The following AUTS2 variants were observed in gnomAD, a reference collection of about 807,000 sequenced individuals.
The protein encoded by AUTS2 is activator of transcription and developmental regulator AUTS2.
AUTS2 carries 17 observed loss-of-function variants against 112.4 expected under a neutral mutation model. The ratio of observed to expected loss-of-function variants is 0.15; its 90% CI spans 0.10 to 0.23. AUTS2 has a LOEUF of 0.23. Among genes scored for constraint, AUTS2 ranks in the 10% least tolerant of loss-of-function variants. The pLI is 1.00. For synonymous variants in AUTS2, 751 were observed against 702.7 expected (o/e 1.07, Z -1.09); for missense variants, 1,510 against 1,701.6 (o/e 0.89, Z 1.98).
intron 4 of AUTS2, among the ~76,000 whole-genome samples, chr7:70,296,450 G>A (rs1339005240): frequency 6.6e-6 from 1 of 152,142 alleles, no homozygotes; most frequent in Non-Finnish European, 1.5e-5. Context: ...CTCTTTTTAT[G>A]TATTTCCTTT....
intron 6 of AUTS2, 136 bp downstream of exon 6, chr7:70,698,756 T>G (rs1809280151): frequency 4.3e-6 from 3 of 698,268 alleles, no homozygotes; most frequent in East Asian, 2.7e-5. Context: ...ATGTTTTTGC[T>G]TGAGATGGAA....
intron 4 of AUTS2, among the ~76,000 whole-genome samples, chr7:70,153,921 G>A (rs1255963978): frequency 6.6e-6 from 1 of 152,144 alleles, no homozygotes; most frequent in Admixed American, 6.5e-5. Context: ...TGGCTTTTAT[G>A]TCAGAGCTCA....
intron 1 of AUTS2, among the ~76,000 whole-genome samples, chr7:69,711,054 G>A (rs978380919): frequency 6.6e-6 from 1 of 152,108 alleles, no homozygotes; most frequent in African/African-American, 2.4e-5. Context: ...ACACCAGAAC[G>A]GTATGGTGGC....
At chr7:69,928,384 C>T (rs1796104314) in intron 2 of AUTS2, among the ~76,000 whole-genome samples, 1 of 152,206 alleles carries the variant, frequency 6.6e-6, no homozygotes, top group Non-Finnish European at 1.5e-5. Flanking sequence ...TCACTGCGGA[C>T]CCACCCTTTC....
chr7:70,780,093 T>C (rs918177691), intron 14 of AUTS2, among the ~76,000 whole-genome samples: 9 of 149,956 alleles, frequency 6.0e-5, no homozygotes, highest in African/African-American at 2.2e-4. Context: ...AGGAGACTGA[T>C]GGGGAAGAGG....
intron 2 of AUTS2, among the ~76,000 whole-genome samples, chr7:70,108,984 A>G (rs1804927294): frequency 6.6e-6 from 1 of 152,046 alleles, no homozygotes; most frequent in Admixed American, 6.6e-5. Flanking sequence ...GGGTCTTGCT[A>G]GGATGACAAG....
intron 2 of AUTS2, among the ~76,000 whole-genome samples, chr7:70,029,358 A>T (rs1054228830): frequency 3.4e-5 from 5 of 149,104 alleles, no homozygotes; most frequent in Non-Finnish European, 7.4e-5. Context: ...AAGGGTACCT[A>T]TCACAGTCTG....
chr7:70,277,613 G>A (rs985170213), intron 4 of AUTS2, among the ~76,000 whole-genome samples: 1 of 152,020 alleles, frequency 6.6e-6, no homozygotes, highest in Admixed American at 6.6e-5. Context: ...ATAGTATTAC[G>A]GGGGGAGATT....
At position 70,404,054 on chromosome 7, in the gene AUTS2, G is replaced by A. The variant is rs543967994; in HGVS notation, c.661-31698G>A. 6.6e-5 allele frequency among the ~76,000 whole-genome samples: 10 copies of A among 152,242 alleles called. No individual in the cohort carries two copies. The Middle Eastern group carries it at 0.01, about 155-fold the overall frequency. ...TGAATGTCTTCTGCACACCTTATCC[G>A]TCCCTAATCTCCATATCTTCCATAT... On this transcript the variant is annotated intron_variant, in intron 4 of 18. Coordinates refer to ENST00000342771, the MANE Select transcript of AUTS2 (RefSeq NM_015570.4).
intron 15 of AUTS2, chr7:70,782,434 G>A (rs1791151466): frequency 1.3e-5 from 2 of 152,270 alleles, no homozygotes; most frequent in Non-Finnish European, 2.9e-5. Flanking sequence ...TGGAAGGGGT[G>A]AGGTAGAGAG....
At chr7:69,844,381 A>C (rs1792106658) in intron 1 of AUTS2, among the ~76,000 whole-genome samples, 1 of 152,176 alleles carries the variant, frequency 6.6e-6, no homozygotes, top group African/African-American at 2.4e-5. Flanking sequence ...ATGCAAACAA[A>C]TCCAAAATGT....
intron 5 of AUTS2, among the ~76,000 whole-genome samples, chr7:70,446,795 A>T (rs1004054358): frequency 3.3e-5 from 5 of 152,152 alleles, no homozygotes; most frequent in Non-Finnish European, 7.4e-5. Context: ...CTTCCTGCTC[A>T]GAGGTGCTGC....
chr7:70,330,665 A>T (rs534650944), intron 4 of AUTS2, among the ~76,000 whole-genome samples: 2 of 151,272 alleles, frequency 1.3e-5, no homozygotes, highest in East Asian at 3.9e-4. Flanking sequence ...CTGCAAAAAG[A>T]TCACTAGAAT....
intron 1 of AUTS2, among the ~76,000 whole-genome samples, chr7:69,717,543 G>A (rs1269760551): frequency 6.6e-6 from 1 of 152,210 alleles, no homozygotes; most frequent in Non-Finnish European, 1.5e-5. Context: ...ACAGCACTGT[G>A]TGCTGTGTAG....
intron 4 of AUTS2, among the ~76,000 whole-genome samples, chr7:70,285,000 T>C (rs1330022896): frequency 6.6e-6 from 1 of 152,226 alleles, no homozygotes; most frequent in African/African-American, 2.4e-5. Flanking sequence ...TCCTTTTTGT[T>C]GTATTGAAAT....
intron 4 of AUTS2, among the ~76,000 whole-genome samples, chr7:70,235,603 A>G (rs1812282792): frequency 6.6e-6 from 1 of 151,984 alleles, no homozygotes; most frequent in Non-Finnish European, 1.5e-5. Context: ...CTTGATAGAT[A>G]TGAAAGCAGG....
At chr7:70,338,278 T>C (rs1400453695) in intron 4 of AUTS2, among the ~76,000 whole-genome samples, 1 of 152,166 alleles carries the variant, frequency 6.6e-6, no homozygotes, top group Non-Finnish European at 1.5e-5. Context: ...GTAGAGGGCT[T>C]GAAAGGGAAG....
At chr7:70,729,360 G>T (rs888211210) in intron 6 of AUTS2, 1 of 259,008 alleles carries the variant, frequency 3.9e-6, no homozygotes, top group African/African-American at 2.2e-5. Flanking sequence ...CAGATGCCCT[G>T]TTACTTCCCC....
At chr7:69,698,916 G>A (rs1048235085) in intron 1 of AUTS2, among the ~76,000 whole-genome samples, 9 of 152,106 alleles carry the variant, frequency 5.9e-5, no homozygotes, top group African/African-American at 2.2e-4. Context: ...TCTAACATAG[G>A]AGGTAAGATA....
Sources: allele counts gnomAD v4.1 joint callset (sites outside exome capture counted in the v4.1 genomes callset), GRCh38; gene constraint gnomAD v4.1.1; transcripts MANE v1.5; gene names NCBI Gene and HGNC (gene_info 2026-07-23, HGNC 2026-07-21).